The following SUSD4 variants were observed in gnomAD, a reference collection of about 807,000 sequenced individuals.
SUSD4 encodes the protein sushi domain-containing protein 4.
SUSD4 carries 41 observed loss-of-function variants against 50.5 expected under a neutral mutation model. The observed-to-expected ratio is 0.81, with a 90% CI of 0.63 to 1.05. The LOEUF (loss-of-function observed/expected upper bound fraction) is 1.05, where lower values mean the gene tolerates loss of function less well. Among genes scored for constraint, SUSD4 ranks in the 50% least tolerant of loss-of-function variants. SUSD4 has a pLI of 0.00. For missense variants in SUSD4, 580 were observed against 634.7 expected (o/e 0.91, Z 0.93); for synonymous variants, 257 against 257.3 (o/e 1.00, Z 0.01).
chr1:223,331,558 G>A (rs77243541), intron 2 of SUSD4, among the ~76,000 whole-genome samples: 3,093 of 152,260 alleles, frequency 0.02, 110 homozygotes, highest in African/African-American at 0.071. Context: ...TTTCCACTCC[G>A]CCTACTTAAA....
At chr1:223,357,704 G>A (rs778561910) in intron 2 of SUSD4, among the ~76,000 whole-genome samples, 23 of 152,166 alleles carry the variant, frequency 1.5e-4, no homozygotes, top group South Asian at 4.2e-4. Flanking sequence ...CGCAGATGTC[G>A]GCCAACTTAA....
chr1:223,270,277 G>A (rs1447695851), intron 3 of SUSD4, among the ~76,000 whole-genome samples: 2 of 152,162 alleles, frequency 1.3e-5, no homozygotes. Context: ...AGCAGGGACT[G>A]TGTTGCTCAC....
Position 223,292,444 on chromosome 1 carries a change from T to C in SUSD4, c.356A>G (p.Gln119Arg), listed in dbSNP as rs1664550659. The change falls in exon 3 of 9, where the codon CAA (glutamine) becomes CGA (arginine). Residue 119 changes from glutamine to arginine, a missense_variant. By Grantham distance (43) the Gln-to-Arg change is conservative. Transcript: ENST00000366878. ...WIPSDNSICV[Q>R]EDCRIPQIED... ...TGGAGAAGTAAGCACTTTACCTTCT[T>C]GCACACAGATGGAATTATCACTTGG... 6.2e-7 allele frequency: 1 copy of C among 1,614,048 alleles called. No individual in the cohort carries two copies. Among genetic ancestry groups the C allele is most frequent in the Non-Finnish European group, 8.5e-7 (1 of 1,180,018 alleles).
rs554057021 is a variant in SUSD4 at position 223,224,684 on chromosome 1, A to G, written c.1062-1053T>C. 3.3e-5 allele frequency among the ~76,000 whole-genome samples: 5 copies of G among 152,120 alleles called. No homozygotes were observed. In the South Asian group the frequency reaches 1.0e-3, roughly 32 times the overall value. ...GCAGGGCTCCCTCACGTGGGCGCGCACACAGTTCCTGGCCTGCTCCCTTTG... is the reference window on the plus strand; with the variant it reads ...GCAGGGCTCCCTCACGTGGGCGCGCGCACAGTTCCTGGCCTGCTCCCTTTG... On this transcript the variant is annotated intron_variant, in intron 7 of 8. Coordinates refer to ENST00000366878, the MANE Select transcript of SUSD4 (RefSeq NM_017982.4).
At chr1:223,265,383 T>C (rs1484353477) in intron 4 of SUSD4, among the ~76,000 whole-genome samples, 1 of 152,236 alleles carries the variant, frequency 6.6e-6, no homozygotes, top group Non-Finnish European at 1.5e-5. Context: ...GTAAAACAGA[T>C]GAGGAATCCC....
chr1:223,264,988 T>C (rs573592537), intron 4 of SUSD4, among the ~76,000 whole-genome samples, 170 bp from the exon 5 acceptor site: 2 of 152,346 alleles, frequency 1.3e-5, no homozygotes, highest in South Asian at 2.1e-4. Flanking sequence ...TTCCTTATTC[T>C]AGTTATCATG....
At chr1:223,282,413 G>A (rs1460974343) in intron 3 of SUSD4, among the ~76,000 whole-genome samples, 1 of 152,100 alleles carries the variant, frequency 6.6e-6, no homozygotes, top group African/African-American at 2.4e-5. Flanking sequence ...AAATCAATAT[G>A]CAAAAATCAC....
In SUSD4 at chr1:223,229,523, A is replaced by G; in HGVS notation, c.725-135T>C. 1 of 795,296 alleles carries G rather than the reference A, an allele frequency of 1.3e-6. No individual in the cohort carries two copies. Among genetic ancestry groups the G allele is most frequent in the Non-Finnish European group, 1.9e-6 (1 of 531,162 alleles). 49.3% of individuals were successfully genotyped at this position (795,296 alleles called of 1,614,324 possible). ...ATTAATCACCAGGCTACTGAGTTGCATTAGAGATGGTCTCTTTTTTAGTAT... is the reference window on the plus strand; with the variant it reads ...ATTAATCACCAGGCTACTGAGTTGCGTTAGAGATGGTCTCTTTTTTAGTAT... On this transcript the variant is annotated intron_variant, in intron 5 of 8. Coordinates refer to ENST00000366878, the MANE Select transcript of SUSD4 (RefSeq NM_017982.4). The surrounding 1 kb of genome is among the most constrained non-coding windows in gnomAD (Gnocchi z 4.7).
chr1:223,264,566 T>G, intron 5 of SUSD4, 64 bp downstream of exon 5: 1 of 1,592,234 alleles, frequency 6.3e-7, no homozygotes, highest in Non-Finnish European at 8.6e-7. Flanking sequence ...CTCTTCCTCC[T>G]ACTGATCTTC....
intron 2 of SUSD4, among the ~76,000 whole-genome samples, chr1:223,333,187 C>G (rs996910637): frequency 6.6e-6 from 1 of 152,186 alleles, no homozygotes; most frequent in Non-Finnish European, 1.5e-5. Context: ...TGCACACCCT[C>G]CTTACTGAGA....
At chr1:223,334,666 G>A (rs1217458844) in intron 2 of SUSD4, among the ~76,000 whole-genome samples, 1 of 152,112 alleles carries the variant, frequency 6.6e-6, no homozygotes, top group African/African-American at 2.4e-5. Flanking sequence ...ACAGAGTAAT[G>A]CCTTCAAAAT....
intron 5 of SUSD4, among the ~76,000 whole-genome samples, chr1:223,254,951 A>C (rs1227726503): frequency 6.6e-6 from 1 of 152,252 alleles, no homozygotes; most frequent in Non-Finnish European, 1.5e-5. Context: ...TGAACAATGA[A>C]TTAACAGGAT....
At chr1:223,296,915 C>A (rs1664860916) in intron 2 of SUSD4, among the ~76,000 whole-genome samples, 1 of 152,192 alleles carries the variant, frequency 6.6e-6, no homozygotes. Flanking sequence ...ATCAATTAAA[C>A]CTCTTTCCTT....
chr1:223,345,370 G>C (rs999911806), intron 2 of SUSD4, among the ~76,000 whole-genome samples: 1 of 152,198 alleles, frequency 6.6e-6, no homozygotes, highest in African/African-American at 2.4e-5. Context: ...GAGGCAAAGA[G>C]AGGTTCAAGG....
Position 223,292,601 on chromosome 1 carries a change from A to T in SUSD4, c.199T>A (p.Phe67Ile). The T allele has an allele frequency of 6.2e-7, 1 of 1,614,088 alleles. No homozygotes were observed. The highest frequency in any genetic ancestry group is 2.2e-5 in the East Asian group (1 of 44,886). Residue 67 changes from phenylalanine to isoleucine, a missense_variant, in exon 3 of 9, where the codon TTC becomes ATC. By Grantham distance (21) the Phe-to-Ile change is conservative. Coordinates refer to ENST00000366878, the MANE Select transcript of SUSD4 (RefSeq NM_017982.4). Reference protein sequence around the residue: ...CADPGIPENGFRTPSGGVFFE... With the variant: ...CADPGIPENGIRTPSGGVFFE... ...AAAACCCCTCCGCTGGGGGTCCTGA[A>T]GCCATTCTCGGGAATGCCGGGGTCA...
At chr1:223,355,058 A>T (rs527615592) in intron 2 of SUSD4, among the ~76,000 whole-genome samples, 5 of 150,556 alleles carry the variant, frequency 3.3e-5, no homozygotes, top group African/African-American at 7.3e-5. Context: ...GACTACAGAC[A>T]CGTGCCACCA....
rs1010197276 is a variant in SUSD4 at position 223,268,808 on chromosome 1, G to T, written c.362-133C>A. 1.0e-5 allele frequency: 9 copies of T among 899,924 alleles called. No homozygotes were observed. In the Admixed American group the frequency reaches 1.1e-4, roughly 11 times the overall value. 55.7% of individuals were successfully genotyped at this position (899,924 alleles called of 1,614,324 possible). Reference sequence around the variant, plus strand: ...CAATCTGATAAATGGTACCTCATTTGTCACTAGGCTCAGGTGCCAATGACG... The same window carrying T: ...CAATCTGATAAATGGTACCTCATTTTTCACTAGGCTCAGGTGCCAATGACG... On this transcript the variant is annotated intron_variant, in intron 3 of 8. Transcript: ENST00000366878.
chr1:223,287,103 T>C (rs982115383), intron 3 of SUSD4, among the ~76,000 whole-genome samples: 1 of 152,214 alleles, frequency 6.6e-6, no homozygotes. Context: ...TTGAGGCAAG[T>C]CTTGTTCTGT....
At chr1:223,349,108 G>C (rs1668207134) in intron 2 of SUSD4, among the ~76,000 whole-genome samples, 3 of 152,280 alleles carry the variant, frequency 2.0e-5, no homozygotes, top group Admixed American at 2.0e-4. Flanking sequence ...ACATGGGCCT[G>C]TTAGAATGGC....
Sources: allele counts gnomAD v4.1 joint callset (sites outside exome capture counted in the v4.1 genomes callset), GRCh38; gene constraint gnomAD v4.1.1; non-coding constraint Gnocchi (gnomAD v3.1); transcripts MANE v1.5; gene names NCBI Gene and HGNC (gene_info 2026-07-23, HGNC 2026-07-21).